The following ROBO1 variants were observed in gnomAD, a reference collection of about 807,000 sequenced individuals.
ROBO1 encodes roundabout homolog 1.
In ROBO1, 149 loss-of-function variants were observed where a neutral mutation model predicts 195.9. That is an observed-to-expected ratio of 0.76 (90% confidence interval 0.67 to 0.87). ROBO1 has a LOEUF of 0.87. Among genes scored for constraint, ROBO1 ranks in the 40% least tolerant of loss-of-function variants. The pLI is 0.00. For synonymous variants in ROBO1, 816 were observed against 733.2 expected, an observed-to-expected ratio of 1.11 and a Z score of -1.82; for missense variants, 1,933 against 2,068.3, an observed-to-expected ratio of 0.93 and a Z score of 1.27.
At chr3:78,935,252 T>C (rs976509847) in intron 4 of ROBO1, among the ~76,000 whole-genome samples, 2 of 152,082 alleles carry the variant, frequency 1.3e-5, no homozygotes, top group African/African-American at 4.8e-5. Flanking sequence ...GTTTTGCTGC[T>C]AAGATAGCCA....
intron 2 of ROBO1, among the ~76,000 whole-genome samples, chr3:79,165,179 A>G (rs2081040199): frequency 6.6e-6 from 1 of 152,194 alleles, no homozygotes; most frequent in Non-Finnish European, 1.5e-5. Flanking sequence ...GAAGATGTTC[A>G]ATAAATATTT....
At chr3:79,016,377 A>G (rs1462253767) in intron 3 of ROBO1, among the ~76,000 whole-genome samples, 1 of 152,222 alleles carries the variant, frequency 6.6e-6, no homozygotes, top group Non-Finnish European at 1.5e-5. Flanking sequence ...ACCTATAGGA[A>G]AAACTTAGGT....
At chr3:79,207,017 G>C (rs1462709519) in intron 2 of ROBO1, among the ~76,000 whole-genome samples, 1 of 152,120 alleles carries the variant, frequency 6.6e-6, no homozygotes, top group African/African-American at 2.4e-5. Context: ...GAATTTATGT[G>C]AAGTGCATTT....
At chr3:79,694,475 T>TGTTCTGCTCTTAC (rs1947384982) in intron 1 of ROBO1, among the ~76,000 whole-genome samples, 1 of 151,844 alleles carries the variant, frequency 6.6e-6, no homozygotes, top group Non-Finnish European at 1.5e-5. Flanking sequence ...TCAGTTTTTC[T>TGTTCTGCTCTTAC]GTTCTGCTCT....
At chr3:79,140,454 A>G (rs183061447) in intron 2 of ROBO1, among the ~76,000 whole-genome samples, 2 of 152,214 alleles carry the variant, frequency 1.3e-5, no homozygotes, top group Non-Finnish European at 2.9e-5. Context: ...GATTGGCCTC[A>G]GTTTCTTCAA....
chr3:79,493,383 A>C (rs1437412630), intron 2 of ROBO1, among the ~76,000 whole-genome samples: 2 of 151,976 alleles, frequency 1.3e-5, no homozygotes, highest in East Asian at 3.9e-4. Flanking sequence ...AAAAACTGAT[A>C]GGTATTAACT....
chr3:79,365,777 GTC>G (rs2035952632), intron 2 of ROBO1, among the ~76,000 whole-genome samples: 1 of 151,702 alleles, frequency 6.6e-6, no homozygotes, highest in Non-Finnish European at 1.5e-5. Context: ...GGTGCCTGTA[GTC>G]CCAGCTACTC....
chr3:78,603,560 T>C (rs1396244809), intron 29 of ROBO1, among the ~76,000 whole-genome samples: 10 of 152,178 alleles, frequency 6.6e-5, no homozygotes, highest in African/African-American at 2.2e-4. Context: ...GTTTGATATA[T>C]GTAGAAATAA....
At chr3:79,657,096 T>C (rs551769791) in intron 1 of ROBO1, among the ~76,000 whole-genome samples, 4 of 152,238 alleles carry the variant, frequency 2.6e-5, no homozygotes, top group African/African-American at 9.6e-5. Context: ...TATACATTTT[T>C]AGTTAATTCA....
intron 4 of ROBO1, among the ~76,000 whole-genome samples, chr3:78,913,160 A>C (rs2107547045): frequency 6.6e-6 from 1 of 152,278 alleles, no homozygotes. Flanking sequence ...TCTACGATGG[A>C]ATAAATGGAG....
rs141749138 is a variant in ROBO1 at position 79,436,265 on chromosome 3, T to C, written c.88+153559A>G. ...GTTTGCCTTTAAAAGACTAAAGTAT[T>C]TTTCCATTGCAATGTTTGCATTTCT... On this transcript the variant is annotated intron_variant, in intron 2 of 30. Transcript: ENST00000464233. Among the ~76,000 whole-genome samples, 1,276 of 152,156 alleles carry C rather than the reference T, an allele frequency of 8.4e-3. 10 individuals carry two copies. Among genetic ancestry groups the C allele is most frequent in the Non-Finnish European group, 0.01 (713 of 67,996 alleles).
intron 3 of ROBO1, among the ~76,000 whole-genome samples, chr3:79,055,749 T>C (rs1016887890): frequency 6.6e-5 from 10 of 152,028 alleles, no homozygotes; most frequent in Admixed American, 6.6e-4. Flanking sequence ...CCCTCCAAAT[T>C]ACTGTAAAAG....
chr3:79,160,532 G>A (rs543125756), intron 2 of ROBO1, among the ~76,000 whole-genome samples: 1 of 152,072 alleles, frequency 6.6e-6, no homozygotes, highest in Admixed American at 6.6e-5. Context: ...AACATTGTTA[G>A]AGCAGCTTGT....
intron 4 of ROBO1, among the ~76,000 whole-genome samples, chr3:78,878,598 A>AC (rs1488743292): frequency 1.3e-5 from 2 of 151,104 alleles, no homozygotes; most frequent in South Asian, 2.1e-4. Flanking sequence ...AAAAAAAAAA[A>AC]AAAAAAAAAA....
intron 2 of ROBO1, among the ~76,000 whole-genome samples, chr3:79,496,894 C>A (rs1031081847): frequency 2.6e-5 from 4 of 152,142 alleles, no homozygotes; most frequent in Non-Finnish European, 5.9e-5. Context: ...TGTACATTAT[C>A]ATTTTCCAAA....
intron 2 of ROBO1, among the ~76,000 whole-genome samples, chr3:79,152,443 A>T (rs2080789631): frequency 6.6e-6 from 1 of 151,836 alleles, no homozygotes; most frequent in Non-Finnish European, 1.5e-5. Context: ...TTGACCCTTC[A>T]CTGCATTTCT....
At chr3:79,511,989 A>G (rs1025425781) in intron 2 of ROBO1, among the ~76,000 whole-genome samples, 16 of 152,260 alleles carry the variant, frequency 1.1e-4, no homozygotes, top group East Asian at 9.7e-4. Flanking sequence ...TTATACCTGG[A>G]TGATGAAATA....
intron 1 of ROBO1, among the ~76,000 whole-genome samples, chr3:79,763,064 G>C (rs1704797758): frequency 6.6e-6 from 1 of 152,174 alleles, no homozygotes; most frequent in South Asian, 2.1e-4. Flanking sequence ...GGCTTTGAAT[G>C]CTTTCCTTTA....
intron 4 of ROBO1, among the ~76,000 whole-genome samples, chr3:78,756,024 T>C (rs1192541781): frequency 6.6e-6 from 1 of 152,146 alleles, no homozygotes; most frequent in Non-Finnish European, 1.5e-5. Flanking sequence ...TTGATCCATA[T>C]CATGTATTTT....
Sources: allele counts gnomAD v4.1 joint callset (sites outside exome capture counted in the v4.1 genomes callset), GRCh38; gene constraint gnomAD v4.1.1; transcripts MANE v1.5; gene names NCBI Gene and HGNC (gene_info 2026-07-23, HGNC 2026-07-21).